Variants in EXOC3 observed in about 807,000 individuals in gnomAD.
The protein encoded by EXOC3 is exocyst complex component 3, also known as SEC6-like 1.
Under a neutral mutation model 73.7 loss-of-function variants are expected in EXOC3, and 21 were observed. The ratio of observed to expected loss-of-function variants is 0.29; its 90% confidence interval spans 0.20 to 0.41. The LOEUF is 0.41. Ranked by LOEUF, EXOC3 falls within the 10% of genes least tolerant of loss-of-function variation. The pLI is 1.00. For missense variants in EXOC3, 842 were observed against 985.1 expected (o/e 0.85, Z 1.95); for synonymous variants, 410 against 389.1 (o/e 1.05, Z -0.63).
In EXOC3 at chr5:465,711, C is replaced by T. The variant is rs772180369; in HGVS notation, c.1939-7C>T. On this transcript the variant is annotated splice_polypyrimidine_tract_variant and splice_region_variant and intron_variant, in intron 11 of 12. Coordinates refer to ENST00000512944, the MANE Select transcript of EXOC3 (RefSeq NM_007277.5). The stretch of plus-strand genomic sequence containing the variant: ...GGGCGGCTCCTCACATTGCTGCTGC[C>T]TTCCAGGGTTTCGGGGAAGACGTGG... 7 of 1,613,820 alleles carry T rather than the reference C, an allele frequency of 4.3e-6. No individual in the cohort carries two copies. The highest frequency in any genetic ancestry group is 1.1e-5 in the South Asian group (1 of 91,074).
At chr5:455,836 C>T (rs1737794627) in intron 4 of EXOC3, among the ~76,000 whole-genome samples, 1 of 152,084 alleles carries the variant, frequency 6.6e-6, no homozygotes, top group African/African-American at 2.4e-5. Flanking sequence ...AATCTCCTGA[C>T]CTCATGATCC....
At position 467,101 on chromosome 5, in the gene EXOC3, C is replaced by A. The variant is rs1308267175; in HGVS notation, c.*203C>A. 2 of 593,530 alleles carry A rather than the reference C, an allele frequency of 3.4e-6. No homozygotes were observed. The highest frequency in any genetic ancestry group is 3.7e-5 in the African/African-American group (2 of 53,932). The allele number at this position is 593,530 out of a possible 1,614,324, so 36.8% of individuals were successfully genotyped here. ...AGGCCCCTCACTGTGCTGTCAAAGG[C>A]CTGTGGGTGCAGGGCTCTGCCGCAC... On this transcript the variant is annotated 3_prime_UTR_variant, in exon 13 of 13. Coordinates refer to ENST00000512944, the MANE Select transcript of EXOC3 (RefSeq NM_007277.5).
chr5:452,698 TGCCAAGGCACA>T (rs1328050466), intron 3 of EXOC3, among the ~76,000 whole-genome samples: 2 of 152,254 alleles, frequency 1.3e-5, no homozygotes, highest in Non-Finnish European at 2.9e-5. Context: ...AGGCTCTCTG[TGCCAAGGCACA>T]GCCTGAGGTG....
Position 464,523 on chromosome 5 carries a change from TGTC to T in EXOC3, c.1776+112_1776+114del, listed in dbSNP as rs1401841472. 3 of 1,237,282 alleles carry T rather than the reference TGTC, an allele frequency of 2.4e-6. No homozygotes were observed. In the East Asian group the frequency reaches 7.4e-5, roughly 30 times the overall value. 76.6% of individuals were successfully genotyped at this position (1,237,282 alleles called of 1,614,324 possible). On this transcript the variant is annotated intron_variant, in intron 10 of 12. Transcript: ENST00000512944. ...CCTCCGTGAGTGAACGTTCACTTGT[TGTC>T]CTATCAGCCCAAGGGAGGCAATAGG... is the stretch of plus-strand genomic sequence containing the variant.
At position 462,021 on chromosome 5, in the gene EXOC3, T is replaced by G. The variant is rs758696298; in HGVS notation, c.1453T>G (p.Cys485Gly). 6.2e-7 allele frequency: 1 copy of G among 1,608,482 alleles called. No individual in the cohort carries two copies. Among genetic ancestry groups the G allele is most frequent in the Non-Finnish European group, 8.5e-7 (1 of 1,177,300 alleles). Residue 485 changes from cysteine (C) to glycine (G), a missense_variant, in exon 8 of 13, where the codon TGC (cysteine) becomes GGC (glycine). Coordinates refer to ENST00000512944, the MANE Select transcript of EXOC3 (RefSeq NM_007277.5). ...CCTGAGGAATCGGCAGCACCCTCAC[T>G]GCTACGTTCAGTACATGATCGCCAT... Reference protein sequence around the residue: ...EHLRNRQHPHCYVQYMIAIIN... With the variant: ...EHLRNRQHPHGYVQYMIAIIN...
At chr5:452,017 T>A (rs544572586) in intron 3 of EXOC3, among the ~76,000 whole-genome samples, 1 of 152,380 alleles carries the variant, frequency 6.6e-6, no homozygotes, top group African/African-American at 2.4e-5. Context: ...TGTGGACCTC[T>A]GAGTTCCTCT....
chr5:464,319 G>A lies in EXOC3; in HGVS notation c.1683G>A (p.Lys561=). Residue 561 remains lysine, a synonymous_variant, in exon 10 of 13, where the codon AAG becomes AAA. Coordinates refer to ENST00000512944, the MANE Select transcript of EXOC3 (RefSeq NM_007277.5). ...EQHLNELMTK[K]WLLGSNAVDI... ...ATCTGAATGAATTGATGACGAAGAA[G>A]TGGCTATTAGGGTCAAACGCTGTAG... 6.2e-7 allele frequency: 1 copy of A among 1,613,582 alleles called. No individual in the cohort carries two copies. Among genetic ancestry groups the A allele is most frequent in the Non-Finnish European group, 8.5e-7 (1 of 1,179,510 alleles).
chr5:453,629 G>A lies in EXOC3; in HGVS notation c.624G>A (p.Leu208=). The A allele has an allele frequency of 3.7e-6, 6 of 1,614,002 alleles. No individual in the cohort carries two copies. The highest frequency in any genetic ancestry group is 5.1e-6 in the Non-Finnish European group (6 of 1,179,894). ...TCACTGTCCGCCGTGACCCCACCTT[G>A]CTGGTCTCAGTTGTCAGGATCATTG... ...SLVTVRRDPT[L]LVSVVRIIER... The change falls in exon 4 of 13, where the codon TTG becomes TTA. Residue 208 remains leucine (L), a synonymous_variant. Coordinates refer to ENST00000512944, the MANE Select transcript of EXOC3 (RefSeq NM_007277.5).
chr5:449,464 C>T (rs1457620611), intron 3 of EXOC3, among the ~76,000 whole-genome samples: 2 of 152,184 alleles, frequency 1.3e-5, no homozygotes, highest in Non-Finnish European at 2.9e-5. Flanking sequence ...ACCCTCTGCC[C>T]CAGCTCCTGG....
rs1442330131 is a variant in EXOC3, at chr5:454,104, A to G, written c.1046+53A>G. 4 of 1,432,074 alleles carry G rather than the reference A, an allele frequency of 2.8e-6. No homozygotes were observed. The East Asian group carries it at 7.4e-5, about 26-fold the overall frequency. 88.7% of individuals were successfully genotyped at this position (1,432,074 alleles called of 1,614,324 possible). A position where few individuals can be genotyped will look rare whatever the true frequency, so the allele number is the denominator to read the frequency against. ...CTCTTAGGTAGAAGCCGTGTGTGAG[A>G]GGGGCCTGCAGCTGCTTGCTGGAGA... On this transcript the variant is annotated intron_variant, in intron 4 of 12. Transcript: ENST00000512944.
At chr5:458,678 C>T (rs114230576) in intron 6 of EXOC3, among the ~76,000 whole-genome samples, 2,270 of 152,292 alleles carry the variant, frequency 0.015, 37 homozygotes, top group African/African-American at 0.041. Flanking sequence ...CCCTGTGTCC[C>T]GTTTTTCCTG....
At chr5:465,902 C>T (rs1579747530) in intron 12 of EXOC3, 57 bp downstream of exon 12, 2 of 1,547,086 alleles carry the variant, frequency 1.3e-6, no homozygotes, top group Non-Finnish European at 1.8e-6. Flanking sequence ...AGCGGCAGGT[C>T]CCTCCTTCTG....
intron 4 of EXOC3, among the ~76,000 whole-genome samples, chr5:456,663 G>A (rs1051965414): frequency 3.3e-5 from 5 of 150,602 alleles, no homozygotes; most frequent in African/African-American, 7.3e-5. Context: ...CACTTTCCCC[G>A]GTTGGAGGGA....
rs747684318 is a variant in EXOC3, at chr5:454,006, A to G, written c.1001A>G (p.Asn334Ser). The change falls in exon 4 of 13, where the codon AAT becomes AGT. Residue 334 changes from asparagine (N) to serine (S), a missense_variant. Asn to Ser is a conservative substitution (Grantham distance 46, BLOSUM62 1). Coordinates refer to ENST00000512944, the MANE Select transcript of EXOC3 (RefSeq NM_007277.5). ...QDLASEDLEA[N>S]EIVSLLTWVL... Reference sequence around the variant, plus strand: ...CTCGCATCGGAAGACCTGGAAGCCAATGAGATCGTGAGCCTCTTGACGTGG... The same window carrying G: ...CTCGCATCGGAAGACCTGGAAGCCAGTGAGATCGTGAGCCTCTTGACGTGG... 5.0e-5 allele frequency: 80 copies of G among 1,613,210 alleles called. No individual in the cohort carries two copies. The highest frequency in any genetic ancestry group is 2.0e-4 in the African/African-American group (15 of 74,930).
intron 4 of EXOC3, among the ~76,000 whole-genome samples, chr5:456,102 A>G (rs1224950861): frequency 1.3e-5 from 2 of 152,186 alleles, no homozygotes; most frequent in Non-Finnish European, 2.9e-5. Context: ...AGGACAGCAC[A>G]GCTGCCCCTC....
rs746414539 is a variant in EXOC3, at chr5:446,190, C to T, written c.-16C>T. 3.1e-6 allele frequency: 5 copies of T among 1,613,900 alleles called. No homozygotes were observed. The East Asian group carries it at 1.1e-4, about 36-fold the overall frequency. On this transcript the variant is annotated 5_prime_UTR_variant, in exon 2 of 13. Coordinates refer to ENST00000512944, the MANE Select transcript of EXOC3 (RefSeq NM_007277.5). ...CCTAGCATGAACAGTGTGAGGATTC[C>T]ACCAGCTTTTTCACCATGAAGGAGA...
At chr5:452,960 C>T (rs1167113867) in intron 3 of EXOC3, among the ~76,000 whole-genome samples, 1 of 152,244 alleles carries the variant, frequency 6.6e-6, no homozygotes, top group Non-Finnish European at 1.5e-5. Flanking sequence ...ACAGTGGCCA[C>T]TTACCTCTTC....
chr5:458,600 G>A lies in EXOC3; in HGVS notation c.1290+575G>A, dbSNP rs116706539. ...TTTTACCACGGATTCACTTTCCAACGCCCAAGCCTCACTAGGTGTTAGAAC... is the reference window on the plus strand; with the variant it reads ...TTTTACCACGGATTCACTTTCCAACACCCAAGCCTCACTAGGTGTTAGAAC... On this transcript the variant is annotated intron_variant, in intron 6 of 12. Transcript: ENST00000512944. Among the ~76,000 whole-genome samples the A allele has an allele frequency of 8.8e-3, 1,334 of 152,286 alleles. 12 individuals carry two copies. Among genetic ancestry groups the A allele is most frequent in the African/African-American group, 0.019 (782 of 41,548 alleles).
Position 456,960 on chromosome 5 carries a change from C to T in EXOC3, c.1118C>T (p.Pro373Leu). The T allele has an allele frequency of 6.2e-7, 1 of 1,614,046 alleles. No homozygotes were observed. Among genetic ancestry groups the T allele is most frequent in the Non-Finnish European group, 8.5e-7 (1 of 1,179,890 alleles). Residue 373 changes from proline (P) to leucine (L), a missense_variant, in exon 5 of 13, where the codon CCA becomes CTA. Pro to Leu is a moderately conservative substitution (Grantham distance 98). Transcript: ENST00000512944. ...GGCACCCTGGAGCCATTGCTTTCTC[C>T]ACACGTGGTCTCTGAGCTGCTTGAC... is the stretch of plus-strand genomic sequence containing the variant. ...DVGTLEPLLS[P>L]HVVSELLDTY...
Sources: gnomAD v4.1 joint callset for allele counts (sites outside exome capture counted in the v4.1 genomes callset) on GRCh38, gnomAD v4.1.1 for gene constraint, MANE v1.5 for transcripts, NCBI Gene and HGNC (gene_info 2026-07-23, HGNC 2026-07-21) for gene names.